The following POLE variants were observed in gnomAD, a reference collection of about 807,000 sequenced individuals.
The protein encoded by POLE is DNA polymerase epsilon, catalytic subunit, also known as DNA polymerase epsilon catalytic subunit A.
Under a neutral mutation model 279.2 loss-of-function variants are expected in POLE, and 188 were observed. The ratio of observed to expected loss-of-function variants is 0.67; its 90% CI spans 0.60 to 0.76. The LOEUF (loss-of-function observed/expected upper bound fraction) is 0.76, where lower values mean the gene tolerates loss of function less well. Among genes scored for constraint, POLE ranks in the 30% least tolerant of loss-of-function variants. POLE has a pLI of 0.00. For synonymous variants in POLE, 1,214 were observed against 1,172.5 expected (o/e 1.04, Z -0.72); for missense variants, 2,703 against 3,016.7 (o/e 0.90, Z 2.44).
chr12:132,675,946 C>A lies in POLE; in HGVS notation c.1021-126G>T. 2.1e-6 allele frequency: 2 copies of A among 946,356 alleles called. No individual in the cohort carries two copies. The highest frequency in any genetic ancestry group is 1.4e-5 in the South Asian group (1 of 70,036). The allele number at this position is 946,356 out of a possible 1,614,324, so 58.6% of individuals were successfully genotyped here. On this transcript the variant is annotated intron_variant, in intron 10 of 48. Transcript: ENST00000320574. This position sits in a 1 kb window ranked among gnomAD's most constrained non-coding sequence, Gnocchi z 4.3. The stretch of plus-strand genomic sequence containing the variant: ...CTTATTCCTGCCCCGCCCCTCCGCC[C>A]GTCTCTGGCAGAAAAGACGGTCATA...
intron 16 of POLE, 85 bp downstream of exon 16, chr12:132,672,130 G>A (rs1180372640): frequency 2.2e-6 from 2 of 916,234 alleles, no homozygotes; most frequent in Non-Finnish European, 3.6e-6. Context: ...CGCAGCAGGT[G>A]CACAATAAAC....
At position 132,642,802 on chromosome 12, in the gene POLE, G is replaced by A. The variant is rs756486829; in HGVS notation, c.4728+18C>T. 1.2e-6 allele frequency: 2 copies of A among 1,613,714 alleles called. No individual in the cohort carries two copies. The highest frequency in any genetic ancestry group is 2.2e-5 in the East Asian group (1 of 44,872). ...AAAGAAGATGGGGCTCACACAGCAAGACCCCAACCACTCTCACCTTGTAGG... is the reference window on the plus strand; with the variant it reads ...AAAGAAGATGGGGCTCACACAGCAAAACCCCAACCACTCTCACCTTGTAGG... On this transcript the variant is annotated intron_variant, in intron 36 of 48. Transcript: ENST00000320574.
chr12:132,682,371 C>T (rs890642971), intron 1 of POLE, among the ~76,000 whole-genome samples: 1 of 151,778 alleles, frequency 6.6e-6, no homozygotes, highest in Non-Finnish European at 1.5e-5. Flanking sequence ...ATAATCCCAG[C>T]TACTCAGGAG....
Position 132,657,780 on chromosome 12 carries a change from C to G in POLE, c.3378+88G>C, listed in dbSNP as rs1402645496. 10 of 969,458 alleles carry G rather than the reference C, an allele frequency of 1.0e-5. No individual in the cohort carries two copies. In the East Asian group the frequency reaches 2.4e-4, roughly 24 times the overall value. The allele number at this position is 969,458 out of a possible 1,614,324, so 60.1% of individuals were successfully genotyped here. The stretch of plus-strand genomic sequence containing the variant: ...GGAAGTCAAGAGTGAAGACGCCAGA[C>G]AAAAAACATAATCCAACTCAGACAT... On this transcript the variant is annotated intron_variant, in intron 27 of 48. Transcript: ENST00000320574.
In POLE at chr12:132,634,071, C is replaced by T. The variant is rs1384411656; in HGVS notation, c.6004+115G>A. 1 of 982,488 alleles carries T rather than the reference C, an allele frequency of 1.0e-6. No homozygotes were observed. Among genetic ancestry groups the T allele is most frequent in the Non-Finnish European group, 1.5e-6 (1 of 651,150 alleles). 60.9% of individuals were successfully genotyped at this position (982,488 alleles called of 1,614,324 possible). On this transcript the variant is annotated intron_variant, in intron 43 of 48. Transcript: ENST00000320574. This position sits in a 1 kb window ranked among gnomAD's most constrained non-coding sequence, Gnocchi z 4.0. ...CAAAGTCCCAACTGCTGGGCAGGCT[C>T]CGCCCGATCTGATTTTCCCTGTCTC...
rs774636433 is a variant in POLE, at chr12:132,625,780, G to C, written c.6532-10C>G. The C allele has an allele frequency of 1.2e-6, 2 of 1,607,982 alleles. No individual in the cohort carries two copies. Among genetic ancestry groups the C allele is most frequent in the Admixed American group, 1.7e-5 (1 of 60,002 alleles). On this transcript the variant is annotated splice_polypyrimidine_tract_variant and intron_variant, in intron 46 of 48. Transcript: ENST00000320574. ...GCAGGACCGCCCCATCCTAGGCAGA[G>C]CAAGAGTGCGAGAGGTCACCAGCCC... is the stretch of plus-strand genomic sequence containing the variant.
At chr12:132,681,982 T>C (rs5744728) in intron 1 of POLE, among the ~76,000 whole-genome samples, 98,716 of 152,020 alleles carry the variant, frequency 0.65, 32,609 homozygotes, top group Non-Finnish European at 0.7. Context: ...GTCAGGAGTT[T>C]GAGACCAGCC....
intron 6 of POLE, among the ~76,000 whole-genome samples, chr12:132,678,571 T>C (rs932880064): frequency 6.6e-6 from 1 of 152,122 alleles, no homozygotes; most frequent in Admixed American, 6.5e-5. Flanking sequence ...AGCAAGACCC[T>C]GTCTCAAAAC....
At chr12:132,667,773 C>T in intron 19 of POLE, 125 bp from the exon 20 acceptor site, 1 of 1,006,504 alleles carries the variant, frequency 9.9e-7, no homozygotes, top group Non-Finnish European at 1.5e-6. Context: ...CTCAGATACA[C>T]TGCTAGTTTC....
chr12:132,673,737 A>G (rs1325522721), intron 12 of POLE, 30 bp from the exon 13 acceptor site: 4 of 1,611,506 alleles, frequency 2.5e-6, no homozygotes, highest in Non-Finnish European at 3.4e-6. Context: ...AGAAGCCAGG[A>G]TGATTCTAAC....
chr12:132,626,064 T>C, intron 46 of POLE, 53 bp downstream of exon 46: 4 of 1,513,918 alleles, frequency 2.6e-6, no homozygotes, highest in Non-Finnish European at 3.6e-6. Context: ...GACACCGCAG[T>C]GCCCTCGGAT....
Position 132,687,269 on chromosome 12 carries a change from T to A in POLE, c.47A>T (p.Asp16Val), listed in dbSNP as rs1333842547. Reference protein sequence around the residue: ...GGRRRADPGADGEASRDDGAT... With the variant: ...GGRRRADPGAVGEASRDDGAT... ...CGCCCCTCACCTGCTGGCCTCGCCA[T>A]CCGCGCCTGGGTCCGCGCGCCGCCG... Residue 16 changes from aspartate (D) to valine (V), a missense_variant, in exon 1 of 49, where the codon GAT becomes GTT. Around this residue, in one of 5 missense-constraint regions of POLE, gnomAD observed 1,011 missense variants for 1,111.7 expected, o/e 0.91. Transcript: ENST00000320574. 1 of 1,498,344 alleles carries A rather than the reference T, an allele frequency of 6.7e-7. No homozygotes were observed. The highest frequency in any genetic ancestry group is 8.9e-7 in the Non-Finnish European group (1 of 1,126,274). 92.8% of individuals were successfully genotyped at this position (1,498,344 alleles called of 1,614,324 possible).
In POLE at chr12:132,634,671, C is replaced by T. The variant is rs78794424; in HGVS notation, c.5812-293G>A. ...TTGTTGAACTCCCACCCCCCAAGGA[C>T]GAAAGAACCAGCCAGAGCTTCCCGG... On this transcript the variant is annotated intron_variant, in intron 42 of 48. Coordinates refer to ENST00000320574, the MANE Select transcript of POLE (RefSeq NM_006231.4). The surrounding 1 kb of genome is among the most constrained non-coding windows in gnomAD (Gnocchi z 4.0). Among the ~76,000 whole-genome samples the T allele has an allele frequency of 1.8e-4, 27 of 152,268 alleles. No homozygotes were observed. In the East Asian group the frequency reaches 4.8e-3, roughly 27 times the overall value.
In POLE at chr12:132,667,452, G is replaced by T. The variant is rs774811854; in HGVS notation, c.2319+51C>A. ...GCCAAGAGTGCCCACTTCATGAGCC[G>T]ACTGAAACTGCCCTCACAGAGGCCA... is the stretch of plus-strand genomic sequence containing the variant. On this transcript the variant is annotated intron_variant, in intron 20 of 48. Transcript: ENST00000320574. 3 of 1,597,244 alleles carry T rather than the reference G, an allele frequency of 1.9e-6. No homozygotes were observed. In the South Asian group the frequency reaches 3.3e-5, roughly 18 times the overall value.
In POLE at chr12:132,657,806, A is replaced by C. The variant is rs2042579008; in HGVS notation, c.3378+62T>G. On this transcript the variant is annotated intron_variant, in intron 27 of 48. Coordinates refer to ENST00000320574, the MANE Select transcript of POLE (RefSeq NM_006231.4). ...AAAAAACATAATCCAACTCAGACAT[A>C]TTCTGCTCTGTCTAGCTTTCCTTGT... is the stretch of plus-strand genomic sequence containing the variant. 7 of 990,558 alleles carry C rather than the reference A, an allele frequency of 7.1e-6. No individual in the cohort carries two copies. The Admixed American group carries it at 1.6e-4, about 23-fold the overall frequency. The allele number at this position is 990,558 out of a possible 1,614,324, so 61.4% of individuals were successfully genotyped here.
intron 45 of POLE, among the ~76,000 whole-genome samples, chr12:132,630,470 C>T (rs183134526): frequency 1.3e-5 from 2 of 152,314 alleles, no homozygotes; most frequent in East Asian, 3.9e-4. Flanking sequence ...TGCCCCACAG[C>T]CAGGCGTGGT....
In POLE at chr12:132,668,551, C is replaced by T. The variant is rs777621979; in HGVS notation, c.2027-49G>A. 8.2e-6 allele frequency: 13 copies of T among 1,579,830 alleles called. No homozygotes were observed. Among genetic ancestry groups the T allele is most frequent in the Admixed American group, 1.7e-5 (1 of 57,646 alleles). On this transcript the variant is annotated intron_variant, in intron 18 of 48. Coordinates refer to ENST00000320574, the MANE Select transcript of POLE (RefSeq NM_006231.4). This position sits in a 1 kb window ranked among gnomAD's most constrained non-coding sequence, Gnocchi z 4.0. ...AGTTCAAAAGGAGGCACAGACACAC[C>T]GGCTTCCCACCAAGTGGAGAAAGGC...
In POLE at chr12:132,642,717, C is replaced by G. The variant is rs1399130282; in HGVS notation, c.4741G>C (p.Gly1581Arg). 6.2e-7 allele frequency: 1 copy of G among 1,613,522 alleles called. No homozygotes were observed. Among genetic ancestry groups the G allele is most frequent in the South Asian group, 1.1e-5 (1 of 91,082 alleles). ...FLLAYKEERR[G>R]PTLIAVQSSW... The stretch of plus-strand genomic sequence containing the variant: ...GACTGAACAGCGATGAGTGTGGGCC[C>G]CCGGCGCTCCTCCTGGGTCAAGGCA... The change falls in exon 37 of 49, where the codon GGG (glycine) becomes CGG (arginine). Residue 1581 changes from glycine to arginine, a missense_variant. Gly to Arg is a moderately radical substitution (Grantham distance 125). Around this residue, in one of 5 missense-constraint regions of POLE, gnomAD observed 1,551 missense variants for 1,686.1 expected, o/e 0.92. Transcript: ENST00000320574.
intron 2 of POLE, 62 bp downstream of exon 2, chr12:132,681,074 GAC>G (rs1036865358): frequency 6.3e-7 from 1 of 1,582,122 alleles, no homozygotes; most frequent in African/African-American, 1.3e-5. Flanking sequence ...TTTAGATAAG[GAC>G]CACGCTATGA....
Sources: allele counts gnomAD v4.1 joint callset (sites outside exome capture counted in the v4.1 genomes callset), GRCh38; gene constraint gnomAD v4.1.1; regional missense constraint gnomAD v4.1.1; non-coding constraint Gnocchi (gnomAD v3.1); transcripts MANE v1.5; gene names NCBI Gene and HGNC (gene_info 2026-07-23, HGNC 2026-07-21).